PTPRO: variants seen among roughly 807,000 people sequenced by gnomAD.
The protein encoded by PTPRO is receptor-type tyrosine-protein phosphatase O.
PTPRO carries 62 observed loss-of-function variants against 145.2 expected under a neutral mutation model. The ratio of observed to expected loss-of-function variants is 0.43; its 90% CI spans 0.35 to 0.53. The LOEUF (loss-of-function observed/expected upper bound fraction) is 0.53. PTPRO is among the 20% of genes least tolerant of loss of function. The probability of loss-of-function intolerance (pLI) is 0.01; values close to 1 mark genes in which losing one functional copy is unlikely to be tolerated. For missense variants in PTPRO, 1,345 were observed against 1,482.7 expected (o/e 0.91, Z 1.53); for synonymous variants, 565 against 514.7 (o/e 1.10, Z -1.32).
intron 12 of PTPRO, among the ~76,000 whole-genome samples, chr12:15,537,174 A>G (rs1156422477): frequency 6.6e-6 from 1 of 152,186 alleles, no homozygotes; most frequent in Non-Finnish European, 1.5e-5. Context: ...GGTTCCTATG[A>G]AACCATTAAA....
At chr12:15,414,677 G>A (rs961161684) in intron 1 of PTPRO, among the ~76,000 whole-genome samples, 2 of 152,096 alleles carry the variant, frequency 1.3e-5, no homozygotes, top group African/African-American at 4.8e-5. Context: ...ACATTCATAA[G>A]TTATCTTTTA....
At chr12:15,326,060 T>C (rs1866436970) in intron 1 of PTPRO, among the ~76,000 whole-genome samples, 1 of 152,222 alleles carries the variant, frequency 6.6e-6, no homozygotes, top group African/African-American at 2.4e-5. Context: ...ATTCTACTCT[T>C]ATCCAGGGGA....
chr12:15,514,469 A>AAG (rs1565676713), intron 7 of PTPRO, among the ~76,000 whole-genome samples: 3 of 145,116 alleles, frequency 2.1e-5, no homozygotes, highest in Non-Finnish European at 1.5e-5. Context: ...AAAAAAAAAA[A>AAG]AAAAGAAAGA....
intron 12 of PTPRO, among the ~76,000 whole-genome samples, chr12:15,539,316 T>A (rs979103793): frequency 8.5e-5 from 13 of 152,088 alleles, no homozygotes; most frequent in Non-Finnish European, 1.6e-4. Context: ...TGCAAATTTT[T>A]AAAAATTTAA....
intron 1 of PTPRO, among the ~76,000 whole-genome samples, chr12:15,399,268 GC>G (rs1940846033): frequency 6.6e-6 from 1 of 152,148 alleles, no homozygotes; most frequent in East Asian, 1.9e-4. Context: ...ACTATTCTGA[GC>G]TTTTTACATA....
rs545569412 is a variant in PTPRO at position 15,431,024 on chromosome 12, TA to T, written c.76-52943del. 4.8e-3 allele frequency among the ~76,000 whole-genome samples: 727 copies of T among 152,284 alleles called. 11 individuals carry two copies. Among genetic ancestry groups the T allele is most frequent in the African/African-American group, 0.017 (687 of 41,560 alleles). Reference sequence around the variant, plus strand: ...TTCAATATTTTGATATTGACCTCAATAAAAAAATGTGTAATCAATTTTTGAA... The same window carrying T: ...TTCAATATTTTGATATTGACCTCAATAAAAAATGTGTAATCAATTTTTGAA... On this transcript the variant is annotated intron_variant, in intron 1 of 26. Transcript: ENST00000281171.
intron 1 of PTPRO, among the ~76,000 whole-genome samples, chr12:15,379,530 CA>C (rs1211403772): frequency 0.023 from 1,126 of 49,424 alleles, 6 homozygotes; most frequent in South Asian, 0.053. Flanking sequence ...AGCTCCATCT[CA>C]AAAAAAAAAA....
In PTPRO at chr12:15,329,608, T is replaced by C. The variant is rs1252113978; in HGVS notation, c.75+6807T>C. On this transcript the variant is annotated intron_variant, in intron 1 of 26. Transcript: ENST00000281171. ...CAATACTGTCTTTTGTATTCCAGAATAAAGACTCACTGCCCAATTCCATTT... is the reference window on the plus strand; with the variant it reads ...CAATACTGTCTTTTGTATTCCAGAACAAAGACTCACTGCCCAATTCCATTT... Among the ~76,000 whole-genome samples the C allele has an allele frequency of 2.6e-5, 4 of 152,304 alleles. No individual in the cohort carries two copies. In the South Asian group the frequency reaches 8.3e-4, roughly 32 times the overall value.
chr12:15,461,396 G>A (rs939344657), intron 1 of PTPRO, among the ~76,000 whole-genome samples: 1 of 152,000 alleles, frequency 6.6e-6, no homozygotes, highest in African/African-American at 2.4e-5. Flanking sequence ...CAACCACCTT[G>A]GACATATGTG....
chr12:15,439,565 A>AT, intron 1 of PTPRO: 1 of 265,176 alleles, frequency 3.8e-6, no homozygotes, highest in Non-Finnish European at 7.5e-6. Flanking sequence ...GGCCCGGAGG[A>AT]CTCGGGGGCC....
chr12:15,408,776 G>T (rs762775939), intron 1 of PTPRO, among the ~76,000 whole-genome samples: 8 of 152,158 alleles, frequency 5.3e-5, no homozygotes, highest in Non-Finnish European at 7.3e-5. Flanking sequence ...TATCTCTGAG[G>T]TGTGGAAATA....
chr12:15,580,015 T>A (rs1193483220), intron 20 of PTPRO, 24 bp from the exon 21 acceptor site: 2 of 1,596,990 alleles, frequency 1.3e-6, no homozygotes, highest in African/African-American at 1.3e-5. Flanking sequence ...AATTTTAATA[T>A]TTTTTTCTCC....
intron 1 of PTPRO, among the ~76,000 whole-genome samples, chr12:15,470,810 G>C (rs1013331322): frequency 2.0e-5 from 3 of 152,224 alleles, no homozygotes; most frequent in Non-Finnish European, 2.9e-5. Context: ...AAGGACAAAA[G>C]ATGAGTAATG....
chr12:15,544,915 T>G (rs142186585), intron 12 of PTPRO, among the ~76,000 whole-genome samples: 1 of 152,322 alleles, frequency 6.6e-6, no homozygotes, highest in Non-Finnish European at 1.5e-5. Flanking sequence ...TTGTGAATTT[T>G]GCTTGCCTAA....
chr12:15,554,363 G>A lies in PTPRO; in HGVS notation c.2558+2692G>A, dbSNP rs529286787. 5.9e-5 allele frequency among the ~76,000 whole-genome samples: 9 copies of A among 151,672 alleles called. No homozygotes were observed. The East Asian group carries it at 1.7e-3, about 29-fold the overall frequency. ...AGAGGGTCAAAACTAATAGTACATA[G>A]TAGTATATATATATCCTATTAGATA... On this transcript the variant is annotated intron_variant, in intron 15 of 26. Coordinates refer to ENST00000281171, the MANE Select transcript of PTPRO (RefSeq NM_030667.3).
chr12:15,590,406 C>A (rs1011394588), intron 25 of PTPRO, among the ~76,000 whole-genome samples: 1 of 152,190 alleles, frequency 6.6e-6, no homozygotes, highest in African/African-American at 2.4e-5. Context: ...TTACAATAAT[C>A]CTTTTTCTCA....
intron 1 of PTPRO, among the ~76,000 whole-genome samples, chr12:15,369,741 T>A (rs537790430): frequency 7.9e-5 from 12 of 152,208 alleles, no homozygotes; most frequent in Non-Finnish European, 1.6e-4. Flanking sequence ...AACTGAGGCA[T>A]ATCAATCAAC....
intron 1 of PTPRO, among the ~76,000 whole-genome samples, chr12:15,479,236 G>A (rs1167364925): frequency 6.6e-6 from 1 of 152,124 alleles, no homozygotes; most frequent in Non-Finnish European, 1.5e-5. Flanking sequence ...AGAGCCCCTG[G>A]GAATCAATTT....
At chr12:15,532,300 A>G (rs10846192) in intron 12 of PTPRO, among the ~76,000 whole-genome samples, 62,786 of 151,976 alleles carry the variant, frequency 0.41, 13,260 homozygotes, top group Admixed American at 0.47. Flanking sequence ...ATGCCTTTTC[A>G]TGACAACTTT....
Sources: allele counts gnomAD v4.1 joint callset (sites outside exome capture counted in the v4.1 genomes callset), GRCh38; gene constraint gnomAD v4.1.1; transcripts MANE v1.5; gene names NCBI Gene and HGNC (gene_info 2026-07-23, HGNC 2026-07-21).